MYBL1: variants seen among roughly 807,000 people sequenced by gnomAD.
MYBL1 encodes myb-related protein A.
MYBL1 carries 17 observed loss-of-function variants against 96.3 expected under a neutral mutation model. The observed-to-expected ratio is 0.18, with a 90% CI of 0.12 to 0.26. MYBL1 has a LOEUF of 0.26. Ranked by LOEUF, MYBL1 falls within the 10% of genes least tolerant of loss-of-function variation. The pLI, the probability that MYBL1 is intolerant of heterozygous loss-of-function variation, is 1.00. For missense variants in MYBL1, 701 were observed against 882.9 expected, an observed-to-expected ratio of 0.79 and a Z score of 2.61; for synonymous variants, 282 against 292.7, an observed-to-expected ratio of 0.96 and a Z score of 0.37.
chr8:66,567,861 T>A (rs1808568030), intron 12 of MYBL1, among the ~76,000 whole-genome samples: 1 of 151,632 alleles, frequency 6.6e-6, no homozygotes, highest in African/African-American at 2.4e-5. Context: ...CAAGAGATCA[T>A]GATCATCCTG....
At chr8:66,577,882 T>C (rs1809031455) in intron 9 of MYBL1, among the ~76,000 whole-genome samples, 1 of 152,114 alleles carries the variant, frequency 6.6e-6, no homozygotes. Context: ...AAAACAGAGA[T>C]ATAGATCAAT....
intron 9 of MYBL1, 28 bp from the exon 10 acceptor site, chr8:66,576,403 T>A: frequency 6.4e-7 from 1 of 1,568,332 alleles, no homozygotes; most frequent in Non-Finnish European, 8.6e-7. Flanking sequence ...GTTAATAAAG[T>A]TAATGCTGTA....
intron 8 of MYBL1, among the ~76,000 whole-genome samples, chr8:66,587,118 G>T (rs1809451652): frequency 6.6e-6 from 1 of 152,024 alleles, no homozygotes; most frequent in Admixed American, 6.6e-5. Context: ...CTAGAGAGGA[G>T]GAGTAAGTTC....
intron 7 of MYBL1, among the ~76,000 whole-genome samples, chr8:66,592,747 G>C (rs559886262): frequency 2.0e-5 from 3 of 152,146 alleles, no homozygotes; most frequent in African/African-American, 7.2e-5. Context: ...TAAAAGATTT[G>C]GGAAAATTTT....
chr8:66,597,529 A>G lies in MYBL1; in HGVS notation c.313T>C (p.Tyr105His). 1 of 1,609,290 alleles carries G rather than the reference A, an allele frequency of 6.2e-7. No individual in the cohort carries two copies. The highest frequency in any genetic ancestry group is 8.5e-7 in the Non-Finnish European group (1 of 1,176,980). Residue 105 changes from tyrosine to histidine, a missense_variant, in exon 5 of 16, where the codon TAT (tyrosine) becomes CAT (histidine). Transcript: ENST00000522677. Reference sequence around the variant, plus strand: ...ATTAAAGACCATCTTTTTGGCCCATATTTCTGAACTAATTCAATAACCTAG... The same window carrying G: ...ATTAAAGACCATCTTTTTGGCCCATGTTTCTGAACTAATTCAATAACCTAG... ...DQRVIELVQK[Y>H]GPKRWSLIAK...
intron 3 of MYBL1, among the ~76,000 whole-genome samples, chr8:66,599,601 G>A (rs1809986963): frequency 6.6e-6 from 1 of 152,160 alleles, no homozygotes; most frequent in Admixed American, 6.5e-5. Context: ...TGGAGTTCGA[G>A]ACCAGCCTGA....
chr8:66,578,909 G>A (rs1809083187), intron 9 of MYBL1, among the ~76,000 whole-genome samples: 1 of 152,182 alleles, frequency 6.6e-6, no homozygotes, highest in South Asian at 2.1e-4. Context: ...CATAAAAAAG[G>A]ATGAGTTCAT....
chr8:66,592,965 C>T (rs992088534), intron 7 of MYBL1, among the ~76,000 whole-genome samples, 155 bp downstream of exon 7: 1 of 152,132 alleles, frequency 6.6e-6, no homozygotes, highest in Admixed American at 6.5e-5. Context: ...TTCAAACTCA[C>T]TTACACACTT....
At chr8:66,598,615 C>T (rs566587519) in intron 4 of MYBL1, among the ~76,000 whole-genome samples, 1 of 152,270 alleles carries the variant, frequency 6.6e-6, no homozygotes, top group East Asian at 1.9e-4. Context: ...GATGCTCTGA[C>T]ATCTGTCTAA....
intron 1 of MYBL1, among the ~76,000 whole-genome samples, chr8:66,602,743 T>A (rs1325868623): frequency 4.5e-4 from 45 of 100,700 alleles, no homozygotes; most frequent in Non-Finnish European, 7.2e-4. Flanking sequence ...ATTTTTTTTT[T>A]TTTTTTTTTT....
chr8:66,569,554 T>C (rs1293234289), intron 12 of MYBL1, among the ~76,000 whole-genome samples: 5 of 152,136 alleles, frequency 3.3e-5, no homozygotes, highest in African/African-American at 2.4e-5. Context: ...TTTCACCATG[T>C]TGCCCAGGCT....
intron 8 of MYBL1, among the ~76,000 whole-genome samples, chr8:66,583,097 C>T (rs1809283037): frequency 6.6e-6 from 1 of 152,092 alleles, no homozygotes; most frequent in Non-Finnish European, 1.5e-5. Context: ...TATTAGGCCA[C>T]AAAATAAGTC....
At position 66,580,170 on chromosome 8, in the gene MYBL1, A is replaced by G. The variant is rs763522810; in HGVS notation, c.1064T>C (p.Ile355Thr). 3.7e-6 allele frequency: 6 copies of G among 1,613,824 alleles called. No individual in the cohort carries two copies. The South Asian group carries it at 5.5e-5, about 15-fold the overall frequency. The change falls in exon 9 of 16, where the codon ATC becomes ACC. Residue 355 changes from isoleucine to threonine, a missense_variant. By Grantham distance (89) the Ile-to-Thr change is moderately conservative. This residue lies in a region of MYBL1 where 396 missense variants were observed against 407.4 expected (regional missense o/e 0.97). Coordinates refer to ENST00000522677, the MANE Select transcript of MYBL1 (RefSeq NM_001080416.4). Reference protein sequence around the residue: ...ANAVLSSLQTIPEFAETLELI... With the variant: ...ANAVLSSLQTTPEFAETLELI... ...TTCTAGAGTCTCTGCAAATTCTGGG[A>G]TGGTCTGCAAAGAGGATAACACAGC... is the stretch of plus-strand genomic sequence containing the variant.
chr8:66,595,627 T>C lies in MYBL1; in HGVS notation c.643A>G (p.Met215Val), dbSNP rs1175898910. ...SKLQHKPCAA[M>V]DHMQTQNQFY... Reference sequence around the variant, plus strand: ...TGATTCTGGGTTTGCATATGATCCATAGCTGCACAAGGTTTGTGTTGAAGT... The same window carrying C: ...TGATTCTGGGTTTGCATATGATCCACAGCTGCACAAGGTTTGTGTTGAAGT... The change falls in exon 6 of 16, where the codon ATG becomes GTG. Residue 215 changes from methionine (M) to valine (V), a missense_variant. Coordinates refer to ENST00000522677, the MANE Select transcript of MYBL1 (RefSeq NM_001080416.4). 6.9e-6 allele frequency: 11 copies of C among 1,594,366 alleles called. No individual in the cohort carries two copies. Among genetic ancestry groups the C allele is most frequent in the Non-Finnish European group, 9.4e-6 (11 of 1,169,496 alleles).
intron 8 of MYBL1, among the ~76,000 whole-genome samples, chr8:66,584,029 A>T (rs1809316330): frequency 6.6e-6 from 1 of 152,234 alleles, no homozygotes; most frequent in Admixed American, 6.5e-5. Context: ...TGATGAACAT[A>T]GATGCAAAAA....
chr8:66,591,376 A>C (rs564022022), intron 8 of MYBL1, among the ~76,000 whole-genome samples: 56 of 152,196 alleles, frequency 3.7e-4, no homozygotes, highest in African/African-American at 1.1e-3. Context: ...TTTAATTTAA[A>C]AACCTAAGAA....
Position 66,593,115 on chromosome 8 carries a change from G to A in MYBL1, c.762+5C>T. On this transcript the variant is annotated splice_donor_5th_base_variant and intron_variant, in intron 7 of 15. Coordinates refer to ENST00000522677, the MANE Select transcript of MYBL1 (RefSeq NM_001080416.4). ...CCTTTGGTTTTCGTTATAAATAAAAGTTACCTGAATAAAGGCAGAAGTAGG... is the reference window on the plus strand; with the variant it reads ...CCTTTGGTTTTCGTTATAAATAAAAATTACCTGAATAAAGGCAGAAGTAGG... 1 of 1,549,030 alleles carries A rather than the reference G, an allele frequency of 6.5e-7. No homozygotes were observed. The highest frequency in any genetic ancestry group is 2.3e-5 in the East Asian group (1 of 43,156).
intron 3 of MYBL1, among the ~76,000 whole-genome samples, chr8:66,601,090 T>G (rs1366985979): frequency 6.9e-6 from 1 of 145,124 alleles, no homozygotes; most frequent in Admixed American, 7.3e-5. Flanking sequence ...GGCAGGAGAA[T>G]CGCTTGAATC....
At chr8:66,594,563 T>TA (rs1392043331) in intron 6 of MYBL1, among the ~76,000 whole-genome samples, 1 of 152,080 alleles carries the variant, frequency 6.6e-6, no homozygotes, top group Non-Finnish European at 1.5e-5. Context: ...TTCTACGAGT[T>TA]AAAAAAATAA....
Sources: allele counts gnomAD v4.1 joint callset (sites outside exome capture counted in the v4.1 genomes callset), GRCh38; gene constraint gnomAD v4.1.1; regional missense constraint gnomAD v4.1.1; transcripts MANE v1.5; gene names NCBI Gene and HGNC (gene_info 2026-07-23, HGNC 2026-07-21).